TXNDC11: variants seen among roughly 807,000 people sequenced by gnomAD.
TXNDC11 encodes thioredoxin domain-containing protein 11.
Under a neutral mutation model 78.0 loss-of-function variants are expected in TXNDC11, and 68 were observed. That is an observed-to-expected ratio of 0.87 (90% CI 0.72 to 1.07). The LOEUF (loss-of-function observed/expected upper bound fraction) is 1.07, where lower values mean the gene tolerates loss of function less well. Among genes scored for constraint, TXNDC11 ranks in the 50% least tolerant of loss-of-function variants. The pLI is 0.00. For missense variants in TXNDC11, 1,389 were observed against 1,221.8 expected (o/e 1.14, Z -2.04); for synonymous variants, 571 against 495.2 (o/e 1.15, Z -2.03).
In TXNDC11 at chr16:11,679,905, T is replaced by C. The variant is rs1226338820; in HGVS notation, c.2235-68A>G. On this transcript the variant is annotated intron_variant, in intron 11 of 11. Coordinates refer to ENST00000283033, the MANE Select transcript of TXNDC11 (RefSeq NM_015914.7). The surrounding 1 kb of genome is among the most constrained non-coding windows in gnomAD (Gnocchi z 4.6). Reference sequence around the variant, plus strand: ...ACACAATGAGTCCAAAAGCAGGCTGTACCTGAGGCCAGGCCATCTACTTCT... The same window carrying C: ...ACACAATGAGTCCAAAAGCAGGCTGCACCTGAGGCCAGGCCATCTACTTCT... The C allele has an allele frequency of 1.9e-5, 26 of 1,374,542 alleles. 1 individual carries two copies. The highest frequency in any genetic ancestry group is 2.6e-5 in the Non-Finnish European group (26 of 993,164). The allele number at this position is 1,374,542 out of a possible 1,614,324, so 85.1% of individuals were successfully genotyped here. A position where few individuals can be genotyped will look rare whatever the true frequency, so the allele number is the denominator to read the frequency against.
At chr16:11,687,730 A>T in intron 10 of TXNDC11, 127 bp downstream of exon 10, 1 of 657,840 alleles carries the variant, frequency 1.5e-6, no homozygotes, top group African/African-American at 1.8e-5. Context: ...CCTGACAATT[A>T]AATTCAGCCA....
intron 10 of TXNDC11, among the ~76,000 whole-genome samples, chr16:11,687,385 A>G (rs2050594290): frequency 1.3e-5 from 2 of 152,232 alleles, no homozygotes; most frequent in South Asian, 4.1e-4. Flanking sequence ...ATTTTTAAAA[A>G]TTTTGTTTAC....
At chr16:11,703,849 T>C in intron 5 of TXNDC11, 1 of 629,936 alleles carries the variant, frequency 1.6e-6, no homozygotes, top group Non-Finnish European at 2.9e-6. Flanking sequence ...CCCAGCACTT[T>C]GGGAGGCCAA....
intron 8 of TXNDC11, 98 bp downstream of exon 8, chr16:11,691,191 CA>C: frequency 9.9e-7 from 1 of 1,013,092 alleles, no homozygotes; most frequent in South Asian, 1.6e-5. Context: ...AAGGTGACAT[CA>C]CCCCACAACT....
chr16:11,724,832 G>C (rs2051827736), intron 4 of TXNDC11, among the ~76,000 whole-genome samples: 1 of 152,126 alleles, frequency 6.6e-6, no homozygotes, highest in African/African-American at 2.4e-5. Context: ...TGCAACCTCT[G>C]ACTCACAGGT....
chr16:11,684,125 G>T, intron 11 of TXNDC11, 40 bp downstream of exon 11: 10 of 1,391,662 alleles, frequency 7.2e-6, no homozygotes, highest in Non-Finnish European at 1.0e-5. Context: ...CTCCACAAAA[G>T]AATCCCAACT....
chr16:11,736,058 T>G lies in TXNDC11; in HGVS notation c.430A>C (p.Arg144=). The change falls in exon 2 of 12, where the codon AGG becomes CGG. Residue 144 remains arginine (R), a synonymous_variant. Coordinates refer to ENST00000283033, the MANE Select transcript of TXNDC11 (RefSeq NM_015914.7). ...CTTGCTGCTTGCTCAATTTCTGCCC[T>G]GGCAGCGATGGACTGTCCACACCAA... ...APWCGQSIAA[R]AEIEQAASRL... 6.2e-7 allele frequency: 1 copy of G among 1,614,158 alleles called. No homozygotes were observed. Among genetic ancestry groups the G allele is most frequent in the South Asian group, 1.1e-5 (1 of 91,088 alleles).
chr16:11,724,456 A>G (rs2051812322), intron 4 of TXNDC11, among the ~76,000 whole-genome samples: 1 of 152,110 alleles, frequency 6.6e-6, no homozygotes, highest in African/African-American at 2.4e-5. Flanking sequence ...AATCAACTTA[A>G]TGTCCACTGA....
rs143572441 is a variant in TXNDC11, at chr16:11,697,057, T to C, written c.1107+1068A>G. Among the ~76,000 whole-genome samples the C allele has an allele frequency of 1.3e-3, 195 of 152,368 alleles. 1 individual carries two copies. The highest frequency in any genetic ancestry group is 4.4e-3 in the African/African-American group (181 of 41,588). On this transcript the variant is annotated intron_variant, in intron 7 of 11. Transcript: ENST00000283033. ...CTCAGTTCACAAAATATCCATGTAGTGAAAATTTTCTAAAGAAATAGTTTT... is the reference window on the plus strand; with the variant it reads ...CTCAGTTCACAAAATATCCATGTAGCGAAAATTTTCTAAAGAAATAGTTTT...
At position 11,679,621 on chromosome 16, in the gene TXNDC11, G is replaced by A; in HGVS notation, c.2451C>T (p.Leu817=). 1.2e-6 allele frequency: 2 copies of A among 1,614,182 alleles called. No individual in the cohort carries two copies. The highest frequency in any genetic ancestry group is 1.7e-6 in the Non-Finnish European group (2 of 1,180,036). ...ACTCCACCTGCACTTGTGCTCGCTGGAGGCTGCTTATTTCTGCTCTCAGTT... is the reference window on the plus strand; with the variant it reads ...ACTCCACCTGCACTTGTGCTCGCTGAAGGCTGCTTATTTCTGCTCTCAGTT... The part of the protein sequence containing the change: ...IQKLRAEISS[L]QRAQVQVESQ... The change falls in exon 12 of 12, where the codon CTC becomes CTT. Residue 817 remains leucine, a synonymous_variant. Coordinates refer to ENST00000283033, the MANE Select transcript of TXNDC11 (RefSeq NM_015914.7). The surrounding 1 kb of genome is among the most constrained non-coding windows in gnomAD (Gnocchi z 4.6).
At chr16:11,720,863 T>C (rs1364648077) in intron 5 of TXNDC11, among the ~76,000 whole-genome samples, 1 of 151,766 alleles carries the variant, frequency 6.6e-6, no homozygotes, top group East Asian at 2.0e-4. Flanking sequence ...CACCTCAGCC[T>C]CCCAACTAGC....
chr16:11,731,715 A>ACG (rs2052056323), intron 3 of TXNDC11, among the ~76,000 whole-genome samples: 1 of 151,302 alleles, frequency 6.6e-6, no homozygotes, highest in African/African-American at 2.4e-5. Context: ...ACACACACAC[A>ACG]CGTGATGGGA....
At chr16:11,685,702 T>C (rs1254381865) in intron 10 of TXNDC11, among the ~76,000 whole-genome samples, 2 of 151,818 alleles carry the variant, frequency 1.3e-5, no homozygotes, top group East Asian at 3.9e-4. Context: ...CATAACCAAA[T>C]GAAAACCATT....
intron 1 of TXNDC11, among the ~76,000 whole-genome samples, chr16:11,738,174 G>GA (rs1451145947): frequency 6.6e-6 from 1 of 152,186 alleles, no homozygotes; most frequent in African/African-American, 2.4e-5. Context: ...TATGCTGAGT[G>GA]AAAAAAGTGC....
At chr16:11,737,380 G>A (rs999979744) in intron 1 of TXNDC11, among the ~76,000 whole-genome samples, 1 of 151,652 alleles carries the variant, frequency 6.6e-6, no homozygotes, top group Non-Finnish European at 1.5e-5. Context: ...GGGAGGCGGA[G>A]GTTGCAGTGA....
chr16:11,737,392 C>T (rs1034168117), intron 1 of TXNDC11, among the ~76,000 whole-genome samples: 4 of 151,110 alleles, frequency 2.6e-5, no homozygotes, highest in African/African-American at 9.7e-5. Context: ...TTGCAGTGAG[C>T]CGAGATTGCA....
In TXNDC11 at chr16:11,740,146, TAA is replaced by T. The variant is rs57384979; in HGVS notation, c.254+2329_254+2330del. Reference sequence around the variant, plus strand: ...AGGCAGAGGTTGCAGTGAGCCAAGATAAAAAAAAAAAAAAAAATCCTATTCTC... The same window carrying T: ...AGGCAGAGGTTGCAGTGAGCCAAGATAAAAAAAAAAAAAAATCCTATTCTC... On this transcript the variant is annotated intron_variant, in intron 1 of 11. Transcript: ENST00000283033. Among the ~76,000 whole-genome samples, 252 of 111,794 alleles carry T rather than the reference TAA, an allele frequency of 2.3e-3. 2 individuals carry two copies. Among genetic ancestry groups the T allele is most frequent in the African/African-American group, 6.1e-3 (210 of 34,424 alleles). The allele number at this position is 111,794 out of a possible 152,430, so 73.3% of individuals were successfully genotyped here. A position where few individuals can be genotyped will look rare whatever the true frequency, so the allele number is the denominator to read the frequency against.
intron 10 of TXNDC11, among the ~76,000 whole-genome samples, chr16:11,685,106 G>A (rs1382719754): frequency 6.6e-6 from 1 of 152,258 alleles, no homozygotes; most frequent in East Asian, 1.9e-4. Context: ...GCTCACGCCT[G>A]TAAATCCAAC....
chr16:11,688,664 C>A (rs2050630522), intron 8 of TXNDC11: 1 of 441,610 alleles, frequency 2.3e-6, no homozygotes, highest in Non-Finnish European at 4.1e-6. Flanking sequence ...TAACAAAACA[C>A]TATGCAATGT....
Sources: allele counts gnomAD v4.1 joint callset (sites outside exome capture counted in the v4.1 genomes callset), GRCh38; gene constraint gnomAD v4.1.1; non-coding constraint Gnocchi (gnomAD v3.1); transcripts MANE v1.5; gene names NCBI Gene and HGNC (gene_info 2026-07-23, HGNC 2026-07-21).